The following MAGI2 variants were observed in gnomAD, a reference collection of about 807,000 sequenced individuals.
MAGI2 encodes membrane-associated guanylate kinase, WW and PDZ domain-containing protein 2.
Under a neutral mutation model 133.3 loss-of-function variants are expected in MAGI2, and 35 were observed. That is an observed-to-expected ratio of 0.26 (90% CI 0.20 to 0.35). The LOEUF is 0.35. MAGI2 is among the 10% of genes least tolerant of loss of function. The probability of loss-of-function intolerance (pLI) is 1.00; values close to 1 mark genes in which losing one functional copy is unlikely to be tolerated. For synonymous variants in MAGI2, 729 were observed against 710.6 expected, an observed-to-expected ratio of 1.03 and a Z score of -0.41; for missense variants, 1,636 against 1,863.4, an observed-to-expected ratio of 0.88 and a Z score of 2.25.
intron 1 of MAGI2, among the ~76,000 whole-genome samples, chr7:79,025,449 G>T (rs1207342393): frequency 6.6e-6 from 1 of 152,118 alleles, no homozygotes; most frequent in Non-Finnish European, 1.5e-5. Context: ...AAACTCCTGT[G>T]ACATGCAATT....
At chr7:79,038,554 T>C (rs1811329156) in intron 1 of MAGI2, among the ~76,000 whole-genome samples, 1 of 152,184 alleles carries the variant, frequency 6.6e-6, no homozygotes, top group Non-Finnish European at 1.5e-5. Flanking sequence ...TAAAATAGCT[T>C]TGTATTCCCT....
chr7:78,472,177 T>G (rs925184306), intron 6 of MAGI2, among the ~76,000 whole-genome samples: 1 of 152,106 alleles, frequency 6.6e-6, no homozygotes, highest in Non-Finnish European at 1.5e-5. Flanking sequence ...GCATCACAAA[T>G]TTTTGCTGCT....
chr7:78,533,489 T>C (rs1442200516), intron 3 of MAGI2, among the ~76,000 whole-genome samples: 1 of 152,136 alleles, frequency 6.6e-6, no homozygotes, highest in Non-Finnish European at 1.5e-5. Flanking sequence ...GTGTAATCTC[T>C]GAGGAGACAT....
rs558288528 is a variant in MAGI2, at chr7:78,381,302, G to A, written c.1046-12089C>T. On this transcript the variant is annotated intron_variant, in intron 6 of 21. Coordinates refer to ENST00000354212, the MANE Select transcript of MAGI2 (RefSeq NM_012301.4). ...GGAGAAATTGCAGTGAGTTGAGATCGCGCCACTGCACTCCAACCTGGGTGA... is the reference window on the plus strand; with the variant it reads ...GGAGAAATTGCAGTGAGTTGAGATCACGCCACTGCACTCCAACCTGGGTGA... 3.9e-5 allele frequency among the ~76,000 whole-genome samples: 6 copies of A among 152,072 alleles called. No homozygotes were observed. The East Asian group carries it at 9.7e-4, about 25-fold the overall frequency.
At chr7:78,598,083 C>T (rs1804807600) in intron 3 of MAGI2, among the ~76,000 whole-genome samples, 1 of 152,068 alleles carries the variant, frequency 6.6e-6, no homozygotes, top group Non-Finnish European at 1.5e-5. Context: ...AATGGTTCAA[C>T]ATTAAATAGC....
chr7:79,388,776 G>T lies in MAGI2; in HGVS notation c.301+64244C>A, dbSNP rs557611515. On this transcript the variant is annotated intron_variant, in intron 1 of 21. Transcript: ENST00000354212. ...CTAAATCAGAGACTTAACCAAAAAGGCAGTTTTCAATATATGTCTTGAAAT... is the reference window on the plus strand; with the variant it reads ...CTAAATCAGAGACTTAACCAAAAAGTCAGTTTTCAATATATGTCTTGAAAT... 4.0e-5 allele frequency among the ~76,000 whole-genome samples: 6 copies of T among 150,610 alleles called. No homozygotes were observed. In the East Asian group the frequency reaches 1.2e-3, roughly 29 times the overall value.
At position 78,172,643 on chromosome 7, in the gene MAGI2, G is replaced by A. The variant is rs191338281; in HGVS notation, c.2404-4535C>T. 3.3e-5 allele frequency among the ~76,000 whole-genome samples: 5 copies of A among 152,326 alleles called. No homozygotes were observed. The East Asian group carries it at 7.7e-4, about 23-fold the overall frequency. On this transcript the variant is annotated intron_variant, in intron 14 of 21. Transcript: ENST00000354212. ...TGCTGTTCATTATTTGCTGAAAGCC[G>A]TGCTGTTGTGTTTAATGTGCACCCT...
In MAGI2 at chr7:78,573,365, A is replaced by AATATATATATATATATATATAT. The variant is rs58739225; in HGVS notation, c.539-51742_539-51721dup. ...ATATATAGAGAGAGAGAATCCTGGA[A>AATATATATATATATATATATAT]ATATATATATATATATATATATATA... On this transcript the variant is annotated intron_variant, in intron 3 of 21. Coordinates refer to ENST00000354212, the MANE Select transcript of MAGI2 (RefSeq NM_012301.4). Among the ~76,000 whole-genome samples, 13 of 29,048 alleles carry AATATATATATATATATATATAT rather than the reference A, an allele frequency of 4.5e-4. 2 individuals carry two copies. The highest frequency in any genetic ancestry group is 7.7e-4 in the Admixed American group (1 of 1,304). 19.1% of individuals were successfully genotyped at this position (29,048 alleles called of 152,430 possible).
intron 10 of MAGI2, among the ~76,000 whole-genome samples, chr7:78,248,437 T>G (rs1369113474): frequency 6.6e-6 from 1 of 152,168 alleles, no homozygotes; most frequent in African/African-American, 2.4e-5. Context: ...ATACTTTGAA[T>G]GTAAATGGAT....
chr7:78,264,557 C>T (rs751525613), intron 9 of MAGI2, among the ~76,000 whole-genome samples: 12 of 152,152 alleles, frequency 7.9e-5, no homozygotes, highest in Non-Finnish European at 1.3e-4. Flanking sequence ...GGTCCATTTT[C>T]TGCAGTCCTC....
chr7:78,548,565 C>CAT lies in MAGI2; in HGVS notation c.539-26922_539-26921dup, dbSNP rs537909169. 3.5e-3 allele frequency among the ~76,000 whole-genome samples: 535 copies of CAT among 152,236 alleles called. 4 individuals carry two copies. Among genetic ancestry groups the CAT allele is most frequent in the African/African-American group, 0.012 (510 of 41,544 alleles). Reference sequence around the variant, plus strand: ...CAAAAATTGGCCGGGCGTGGTGGTGCATGCCTGTAATCCCAGCTACTTGGG... The same window carrying CAT: ...CAAAAATTGGCCGGGCGTGGTGGTGCATATGCCTGTAATCCCAGCTACTTGGG... On this transcript the variant is annotated intron_variant, in intron 3 of 21. Transcript: ENST00000354212.
At chr7:78,310,315 G>C (rs916081384) in intron 9 of MAGI2, among the ~76,000 whole-genome samples, 13 of 152,040 alleles carry the variant, frequency 8.6e-5, no homozygotes, top group Non-Finnish European at 1.6e-4. Context: ...CGCACCTGTA[G>C]TCCCAGCTAC....
intron 2 of MAGI2, among the ~76,000 whole-genome samples, chr7:78,890,503 AG>A (rs1683712944): frequency 6.6e-6 from 1 of 152,224 alleles, no homozygotes; most frequent in Non-Finnish European, 1.5e-5. Flanking sequence ...CAAATGTAAA[AG>A]AACAGAAATT....
chr7:79,393,967 G>GT (rs924083951), intron 1 of MAGI2, among the ~76,000 whole-genome samples: 45 of 152,242 alleles, frequency 3.0e-4, no homozygotes, highest in African/African-American at 1.0e-3. Flanking sequence ...AGATGGAATT[G>GT]TTTGTGTGTC....
At chr7:78,459,511 T>A (rs1264231769) in intron 6 of MAGI2, among the ~76,000 whole-genome samples, 4 of 152,224 alleles carry the variant, frequency 2.6e-5, no homozygotes, top group Non-Finnish European at 5.9e-5. Flanking sequence ...CATACTTACA[T>A]ATTTTGGAAA....
At chr7:78,813,576 G>A (rs1789266609) in intron 2 of MAGI2, among the ~76,000 whole-genome samples, 1 of 152,082 alleles carries the variant, frequency 6.6e-6, no homozygotes, top group Admixed American at 6.5e-5. Flanking sequence ...ACGAGGTCAG[G>A]AGATCGAGAC....
chr7:78,681,986 A>C lies in MAGI2; in HGVS notation c.419-54747T>G, dbSNP rs182007194. On this transcript the variant is annotated intron_variant, in intron 2 of 21. Coordinates refer to ENST00000354212, the MANE Select transcript of MAGI2 (RefSeq NM_012301.4). ...GGCAAAGACAAAAATGCAATGACCA[A>C]GTAAATTTTTTTTTTATCTCTGTAA... is the stretch of plus-strand genomic sequence containing the variant. 3.4e-3 allele frequency among the ~76,000 whole-genome samples: 491 copies of C among 143,192 alleles called. 1 individual carries two copies. The highest frequency in any genetic ancestry group is 5.6e-3 in the Non-Finnish European group (366 of 64,780). The allele number at this position is 143,192 out of a possible 152,430, so 93.9% of individuals were successfully genotyped here. A position where few individuals can be genotyped will look rare whatever the true frequency, so the allele number is the denominator to read the frequency against.
intron 2 of MAGI2, among the ~76,000 whole-genome samples, chr7:78,835,088 A>G (rs542535953): frequency 1.3e-5 from 2 of 152,338 alleles, no homozygotes; most frequent in Admixed American, 1.3e-4. Flanking sequence ...TAATACAGGT[A>G]TATACCCAGA....
intron 2 of MAGI2, among the ~76,000 whole-genome samples, chr7:78,807,299 A>G (rs1459234231): frequency 6.6e-6 from 1 of 152,156 alleles, no homozygotes; most frequent in Non-Finnish European, 1.5e-5. Context: ...TGAATGCATT[A>G]AAACAGTTAT....
Sources: gnomAD v4.1 joint callset for allele counts (sites outside exome capture counted in the v4.1 genomes callset) on GRCh38, gnomAD v4.1.1 for gene constraint, MANE v1.5 for transcripts, NCBI Gene and HGNC (gene_info 2026-07-23, HGNC 2026-07-21) for gene names.